COLGALT2: variants seen among roughly 807,000 people sequenced by gnomAD.
COLGALT2 encodes collagen beta(1-O)galactosyltransferase 2.
A neutral mutation model predicts 73.4 loss-of-function variants in COLGALT2; 49 were observed. That is an observed-to-expected ratio of 0.67 (90% confidence interval 0.53 to 0.85). The LOEUF is 0.85. Among genes scored for constraint, COLGALT2 ranks in the 40% least tolerant of loss-of-function variants. COLGALT2 has a pLI of 0.00. For missense variants in COLGALT2, 722 were observed against 790.2 expected (o/e 0.91, Z 1.03); for synonymous variants, 295 against 307.6 (o/e 0.96, Z 0.43).
intron 6 of COLGALT2, among the ~76,000 whole-genome samples, chr1:183,962,420 A>G (rs182523269): frequency 1.3e-5 from 2 of 151,814 alleles, no homozygotes; most frequent in Admixed American, 1.3e-4. Context: ...CAGCCTCCTA[A>G]AGTGCTGGGA....
At chr1:183,997,216 A>G (rs930201537) in intron 1 of COLGALT2, among the ~76,000 whole-genome samples, 1 of 151,968 alleles carries the variant, frequency 6.6e-6, no homozygotes, top group African/African-American at 2.4e-5. Context: ...TAAAATAAAA[A>G]AGATTCCCCC....
At position 184,037,226 on chromosome 1, in the gene COLGALT2, A is replaced by C. The variant is rs956728532; in HGVS notation, c.132T>G (p.Val44=). The stretch of plus-strand genomic sequence containing the variant: ...GGCTCTGCAGGGGCGACTCCGGGAA[A>C]ACCACCGGCTCCTCTCCGTCGTCCT... ...DSEDDGEEPV[V]FPESPLQSPT... is the part of the protein sequence containing the mutation. Residue 44 remains valine (V), a synonymous_variant, in exon 1 of 12, where the codon GTT becomes GTG. Transcript: ENST00000361927. 7 of 1,599,374 alleles carry C rather than the reference A, an allele frequency of 4.4e-6. No individual in the cohort carries two copies. The East Asian group carries it at 6.8e-5, about 16-fold the overall frequency.
At chr1:184,036,998 G>C in intron 1 of COLGALT2, 97 bp downstream of exon 1, 1 of 1,067,730 alleles carries the variant, frequency 9.4e-7, no homozygotes, top group Non-Finnish European at 1.2e-6. Flanking sequence ...CCCTCCAGCG[G>C]CTCCCTCGCC....
At chr1:184,021,950 T>C (rs189541264) in intron 1 of COLGALT2, among the ~76,000 whole-genome samples, 12 of 152,200 alleles carry the variant, frequency 7.9e-5, no homozygotes, top group Non-Finnish European at 1.2e-4. Context: ...CTACCAAAAA[T>C]GATCTCACTT....
chr1:183,985,631 T>G (rs1558326124), intron 1 of COLGALT2, among the ~76,000 whole-genome samples: 2 of 152,180 alleles, frequency 1.3e-5, no homozygotes, highest in East Asian at 3.9e-4. Flanking sequence ...TGTCCTCAGC[T>G]TCCCTGCCAC....
chr1:183,938,607 T>A lies in COLGALT2; in HGVS notation c.*154A>T. 1 of 1,428,718 alleles carries A rather than the reference T, an allele frequency of 7.0e-7. No homozygotes were observed. Among genetic ancestry groups the A allele is most frequent in the Non-Finnish European group, 9.2e-7 (1 of 1,089,812 alleles). 88.5% of individuals were successfully genotyped at this position (1,428,718 alleles called of 1,614,324 possible). On this transcript the variant is annotated 3_prime_UTR_variant, in exon 12 of 12. Transcript: ENST00000361927. ...TTATTTCCTTCCATGGTCAAAAATATGTTAATTTCGATCTATCACACTAGA... is the reference window on the plus strand; with the variant it reads ...TTATTTCCTTCCATGGTCAAAAATAAGTTAATTTCGATCTATCACACTAGA...
At chr1:184,036,411 G>A (rs10911499) in intron 1 of COLGALT2, among the ~76,000 whole-genome samples, 32,440 of 152,124 alleles carry the variant, frequency 0.21, 3,669 homozygotes, top group East Asian at 0.47. Context: ...GTCTCTCCCC[G>A]GGACGTGGAA....
chr1:183,991,107 T>C (rs1376332439), intron 1 of COLGALT2, among the ~76,000 whole-genome samples: 1 of 152,170 alleles, frequency 6.6e-6, no homozygotes, highest in African/African-American at 2.4e-5. Context: ...CTGCGAAAGG[T>C]GTGATTTCTA....
intron 11 of COLGALT2, 80 bp downstream of exon 11, chr1:183,940,501 T>G: frequency 8.0e-7 from 1 of 1,254,234 alleles, no homozygotes; most frequent in Non-Finnish European, 1.2e-6. Flanking sequence ...TTAGAAAATA[T>G]CAAGTACTAC....
chr1:184,024,448 G>A (rs895503449), intron 1 of COLGALT2, among the ~76,000 whole-genome samples: 1 of 151,568 alleles, frequency 6.6e-6, no homozygotes, highest in Non-Finnish European at 1.5e-5. Context: ...CATCTCCTGG[G>A]TTCAAGTGAT....
In COLGALT2 at chr1:183,973,814, C is replaced by A. The variant is rs1383912602; in HGVS notation, c.493-64G>T. 6 of 1,530,640 alleles carry A rather than the reference C, an allele frequency of 3.9e-6. No homozygotes were observed. The African/African-American group carries it at 5.5e-5, about 14-fold the overall frequency. The allele number at this position is 1,530,640 out of a possible 1,614,324, so 94.8% of individuals were successfully genotyped here. ...TTTTCAGTAATGAGTTTGAGAATAACCCAGCCCTTCTGAAGGATCCCAGAA... is the reference window on the plus strand; with the variant it reads ...TTTTCAGTAATGAGTTTGAGAATAAACCAGCCCTTCTGAAGGATCCCAGAA... On this transcript the variant is annotated intron_variant, in intron 3 of 11. Transcript: ENST00000361927.
At chr1:184,004,102 C>T (rs6669863) in intron 1 of COLGALT2, among the ~76,000 whole-genome samples, 1 of 152,098 alleles carries the variant, frequency 6.6e-6, no homozygotes, top group Non-Finnish European at 1.5e-5. Flanking sequence ...GATTAAGGTG[C>T]AGGTTGAATA....
chr1:183,954,327 G>A lies in COLGALT2; in HGVS notation c.1029+435C>T, dbSNP rs557556270. ...CCCTGCTCTCTAACCTTTTTCCATG[G>A]AAGAATAGTAGAAATAAAAGAAAGC... On this transcript the variant is annotated intron_variant, in intron 7 of 11. Coordinates refer to ENST00000361927, the MANE Select transcript of COLGALT2 (RefSeq NM_015101.4). 2.6e-5 allele frequency among the ~76,000 whole-genome samples: 4 copies of A among 151,952 alleles called. No individual in the cohort carries two copies. In the South Asian group the frequency reaches 8.3e-4, roughly 32 times the overall value.
chr1:183,982,470 G>C (rs1365712046), intron 1 of COLGALT2, among the ~76,000 whole-genome samples: 1 of 152,172 alleles, frequency 6.6e-6, no homozygotes, highest in African/African-American at 2.4e-5. Context: ...AGCATGCAGA[G>C]AGCAATTCCT....
chr1:184,025,914 G>A (rs1317569527), intron 1 of COLGALT2, among the ~76,000 whole-genome samples: 2 of 152,210 alleles, frequency 1.3e-5, no homozygotes, highest in Non-Finnish European at 2.9e-5. Context: ...GTTAGGTCAG[G>A]AAAGGACTCA....
chr1:184,018,708 T>C (rs1649083492), intron 1 of COLGALT2, among the ~76,000 whole-genome samples: 1 of 152,178 alleles, frequency 6.6e-6, no homozygotes, highest in Non-Finnish European at 1.5e-5. Flanking sequence ...TGAGAAAGCA[T>C]GAGGTATTTT....
chr1:183,982,569 C>T (rs1671382292), intron 1 of COLGALT2, among the ~76,000 whole-genome samples: 1 of 152,154 alleles, frequency 6.6e-6, no homozygotes, highest in Non-Finnish European at 1.5e-5. Context: ...ACAAAAATTC[C>T]TTATCACAGT....
chr1:184,032,274 A>T (rs1328020658), intron 1 of COLGALT2, among the ~76,000 whole-genome samples: 4 of 152,256 alleles, frequency 2.6e-5, no homozygotes, highest in African/African-American at 7.2e-5. Flanking sequence ...AAGATTTTTT[A>T]AAATCTTGAT....
chr1:183,947,357 TA>T (rs1483340508), intron 8 of COLGALT2, among the ~76,000 whole-genome samples: 1 of 152,110 alleles, frequency 6.6e-6, no homozygotes, highest in African/African-American at 2.4e-5. Context: ...AAAGACCATA[TA>T]GGTCATAAAT....
Sources: allele counts gnomAD v4.1 joint callset (sites outside exome capture counted in the v4.1 genomes callset), GRCh38; gene constraint gnomAD v4.1.1; transcripts MANE v1.5; gene names NCBI Gene and HGNC (gene_info 2026-07-23, HGNC 2026-07-21).